The following NUBPL variants were observed in gnomAD, a reference collection of about 807,000 sequenced individuals.
NUBPL encodes NUBP iron-sulfur cluster assembly factor, mitochondrial, also known as iron-sulfur cluster transfer protein NUBPL.
A neutral mutation model predicts 45.7 loss-of-function variants in NUBPL; 31 were observed. The observed-to-expected ratio is 0.68, with a 90% CI of 0.51 to 0.92. The LOEUF is 0.92. NUBPL is among the 40% of genes least tolerant of loss of function. NUBPL has a pLI of 0.00. For synonymous variants in NUBPL, 144 were observed against 140.9 expected, an observed-to-expected ratio of 1.02 and a Z score of -0.15; for missense variants, 401 against 398.7, an observed-to-expected ratio of 1.01 and a Z score of -0.05.
At chr14:31,672,036 A>G (rs1395426159) in intron 4 of NUBPL, among the ~76,000 whole-genome samples, 1 of 152,178 alleles carries the variant, frequency 6.6e-6, no homozygotes, top group Non-Finnish European at 1.5e-5. Context: ...TGGGAAGGTG[A>G]TTGCATAGAT....
At chr14:31,580,729 T>C (rs936898187) in intron 3 of NUBPL, among the ~76,000 whole-genome samples, 1 of 152,180 alleles carries the variant, frequency 6.6e-6, no homozygotes, top group Non-Finnish European at 1.5e-5. Context: ...AATTGAGTAA[T>C]TGGGCCACAG....
At chr14:31,574,673 C>T (rs966992321) in intron 3 of NUBPL, among the ~76,000 whole-genome samples, 1 of 143,590 alleles carries the variant, frequency 7.0e-6, no homozygotes, top group Non-Finnish European at 1.5e-5. Context: ...TCACTGCAAC[C>T]TTTGCCTCCC....
intron 1 of NUBPL, chr14:31,561,814 C>G: frequency 3.4e-6 from 2 of 592,192 alleles, no homozygotes; most frequent in Admixed American, 3.1e-5. Context: ...CACGTGGAAG[C>G]CTTATCTCCG....
intron 3 of NUBPL, among the ~76,000 whole-genome samples, chr14:31,581,562 T>G (rs1279324751): frequency 2.0e-5 from 3 of 152,240 alleles, no homozygotes; most frequent in Non-Finnish European, 4.4e-5. Flanking sequence ...TATTCAAATT[T>G]CACTTCTTTT....
At chr14:31,821,194 G>A (rs2040012515) in intron 7 of NUBPL, among the ~76,000 whole-genome samples, 1 of 151,816 alleles carries the variant, frequency 6.6e-6, no homozygotes, top group South Asian at 2.1e-4. Context: ...GGACAAATGG[G>A]ATCACATCAC....
intron 10 of NUBPL, among the ~76,000 whole-genome samples, chr14:31,852,634 G>A (rs2040554970): frequency 6.6e-6 from 1 of 152,132 alleles, no homozygotes; most frequent in South Asian, 2.1e-4. Context: ...TCACGCCATG[G>A]CACTCCAGCC....
intron 6 of NUBPL, among the ~76,000 whole-genome samples, chr14:31,699,603 A>G (rs1208696373): frequency 6.6e-6 from 1 of 151,174 alleles, no homozygotes. Flanking sequence ...TGCTTGAAAG[A>G]TTGAAAACAC....
intron 4 of NUBPL, among the ~76,000 whole-genome samples, chr14:31,648,209 G>A (rs1483133176): frequency 6.6e-6 from 1 of 152,202 alleles, no homozygotes; most frequent in Non-Finnish European, 1.5e-5. Context: ...TCTGACTATG[G>A]TGTACAGAAT....
At chr14:31,748,175 T>C (rs964505761) in intron 6 of NUBPL, among the ~76,000 whole-genome samples, 8 of 152,236 alleles carry the variant, frequency 5.3e-5, no homozygotes, top group Admixed American at 5.2e-4. Context: ...GTATGTGTTT[T>C]TTCAGTTTTT....
At chr14:31,791,200 C>G (rs1258142251) in intron 7 of NUBPL, among the ~76,000 whole-genome samples, 1 of 152,124 alleles carries the variant, frequency 6.6e-6, no homozygotes, top group African/African-American at 2.4e-5. Context: ...ATCACTTGAG[C>G]CCTGGAGGTC....
rs189580635 is a variant in NUBPL, at chr14:31,733,539, A to G, written c.514-54241A>G. Among the ~76,000 whole-genome samples, 14 of 152,286 alleles carry G rather than the reference A, an allele frequency of 9.2e-5. No individual in the cohort carries two copies. In the East Asian group the frequency reaches 2.7e-3, roughly 29 times the overall value. On this transcript the variant is annotated intron_variant, in intron 6 of 10. Transcript: ENST00000281081. ...TCAGTAGTATTTTATAGGTTAATAA[A>G]GGTACATATTTTGTTGGTTTTATTT...
At chr14:31,702,627 AC>A (rs2037364466) in intron 6 of NUBPL, among the ~76,000 whole-genome samples, 1 of 152,206 alleles carries the variant, frequency 6.6e-6, no homozygotes, top group Non-Finnish European at 1.5e-5. Flanking sequence ...TGCAACTGAA[AC>A]TTTCTAGTAA....
intron 6 of NUBPL, among the ~76,000 whole-genome samples, chr14:31,691,522 A>G (rs1474629680): frequency 6.6e-6 from 1 of 152,176 alleles, no homozygotes; most frequent in Admixed American, 6.5e-5. Flanking sequence ...TTATTTGCTA[A>G]ATCTGGTAAC....
At chr14:31,565,335 G>T (rs2033408679) in intron 3 of NUBPL, among the ~76,000 whole-genome samples, 1 of 152,010 alleles carries the variant, frequency 6.6e-6, no homozygotes, top group Non-Finnish European at 1.5e-5. Context: ...CATTATTCTG[G>T]GTTCAGTTTT....
At chr14:31,711,494 A>C (rs571894340) in intron 6 of NUBPL, among the ~76,000 whole-genome samples, 1 of 151,956 alleles carries the variant, frequency 6.6e-6, no homozygotes, top group South Asian at 2.1e-4. Flanking sequence ...GCAATAGGCG[A>C]TAGTCTTACT....
chr14:31,715,093 A>G (rs1300674058), intron 6 of NUBPL, among the ~76,000 whole-genome samples: 1 of 152,212 alleles, frequency 6.6e-6, no homozygotes, highest in Non-Finnish European at 1.5e-5. Flanking sequence ...GGGTTGGGTC[A>G]CCAGAGATGC....
chr14:31,759,063 C>T (rs577718650), intron 6 of NUBPL, among the ~76,000 whole-genome samples: 20 of 150,732 alleles, frequency 1.3e-4, no homozygotes, highest in African/African-American at 4.1e-4. Flanking sequence ...ATCCCACTAT[C>T]GACTTTAAAA....
chr14:31,669,809 G>GTTTTT (rs35705230), intron 4 of NUBPL, among the ~76,000 whole-genome samples: 1 of 51,530 alleles, frequency 1.9e-5, no homozygotes, highest in Non-Finnish European at 3.1e-5. Context: ...TTTTTTTTTT[G>GTTTTT]TTTTTTTTTT....
chr14:31,617,711 C>T (rs1233518312), intron 4 of NUBPL, among the ~76,000 whole-genome samples: 1 of 152,132 alleles, frequency 6.6e-6, no homozygotes, highest in Non-Finnish European at 1.5e-5. Context: ...CATCGATGTT[C>T]ATCGGGGATA....
Sources: gnomAD v4.1 joint callset for allele counts (sites outside exome capture counted in the v4.1 genomes callset) on GRCh38, gnomAD v4.1.1 for gene constraint, MANE v1.5 for transcripts, NCBI Gene and HGNC (gene_info 2026-07-23, HGNC 2026-07-21) for gene names.